The following NEO1 variants were observed in gnomAD, a reference collection of about 807,000 sequenced individuals.
NEO1 encodes neogenin 1.
In NEO1, 63 loss-of-function variants were observed where a neutral mutation model predicts 159.7. The ratio of observed to expected loss-of-function variants is 0.39; its 90% CI spans 0.32 to 0.49. NEO1 has a LOEUF of 0.49. Among genes scored for constraint, NEO1 ranks in the 20% least tolerant of loss-of-function variants. The probability of loss-of-function intolerance (pLI) is 0.85; values close to 1 mark genes in which losing one functional copy is unlikely to be tolerated. For missense variants in NEO1, 1,615 were observed against 1,831.0 expected (o/e 0.88, Z 2.15); for synonymous variants, 633 against 662.0 (o/e 0.96, Z 0.67).
At chr15:73,181,046 T>A (rs1365034771) in intron 7 of NEO1, among the ~76,000 whole-genome samples, 1 of 152,182 alleles carries the variant, frequency 6.6e-6, no homozygotes, top group East Asian at 1.9e-4. Context: ...AGCATACAGT[T>A]CAGAAGAGAG....
At chr15:73,233,272 A>G (rs1017808) in intron 7 of NEO1, among the ~76,000 whole-genome samples, 43,729 of 152,112 alleles carry the variant, frequency 0.29, 7,345 homozygotes, top group East Asian at 0.57. Flanking sequence ...CCCATGGTTA[A>G]TTAGGAATGA....
rs1490414534 is a variant in NEO1 at position 73,304,254 on chromosome 15, A to C, written c.*1558A>C. The C allele has an allele frequency of 6.6e-6, 1 of 152,160 alleles. No homozygotes were observed. Among genetic ancestry groups the C allele is most frequent in the Non-Finnish European group, 1.5e-5 (1 of 68,036 alleles). 9.4% of individuals were successfully genotyped at this position (152,160 alleles called of 1,614,324 possible). ...CTTGGGTTCTTTTTCCTAAAAAGGT[A>C]AGGAGCTGAGGTGTGTGGTTTTTTA... On this transcript the variant is annotated 3_prime_UTR_variant, in exon 29 of 29. Transcript: ENST00000261908.
chr15:73,159,160 C>A (rs563023480), intron 5 of NEO1, among the ~76,000 whole-genome samples: 1 of 152,132 alleles, frequency 6.6e-6, no homozygotes, highest in South Asian at 2.1e-4. Flanking sequence ...TTATTTAGAA[C>A]GAGAAAAGAA....
At chr15:73,302,395 G>C (rs2042654972) in intron 28 of NEO1, among the ~76,000 whole-genome samples, 1 of 152,162 alleles carries the variant, frequency 6.6e-6, no homozygotes, top group Non-Finnish European at 1.5e-5. Context: ...GGGAGTATGT[G>C]TTGGGAGAAA....
intron 8 of NEO1, among the ~76,000 whole-genome samples, chr15:73,239,954 G>A (rs2039407695): frequency 6.6e-6 from 1 of 152,120 alleles, no homozygotes; most frequent in Non-Finnish European, 1.5e-5. Context: ...ATTTGGCAAT[G>A]CCTGGTACAG....
At position 73,052,683 on chromosome 15, in the gene NEO1, C is replaced by A. The variant is rs866588730; in HGVS notation, c.8C>A (p.Ala3Glu). 1 of 1,344,524 alleles carries A rather than the reference C, an allele frequency of 7.4e-7. No homozygotes were observed. The highest frequency in any genetic ancestry group is 9.6e-7 in the Non-Finnish European group (1 of 1,039,884). 83.3% of individuals were successfully genotyped at this position (1,344,524 alleles called of 1,614,324 possible). A position where few individuals can be genotyped will look rare whatever the true frequency, so the allele number is the denominator to read the frequency against. The change falls in exon 1 of 29, where the codon GCG becomes GAG. Residue 3 changes from alanine (A) to glutamate (E), a missense_variant. Ala to Glu is a moderately radical substitution (Grantham distance 107). Around this residue, in one of 3 missense-constraint regions of NEO1, gnomAD observed 1,018 missense variants for 1,115.4 expected, o/e 0.91. Transcript: ENST00000261908. ...CTCACTCTCGGGGAAGAGATGGCGG[C>A]GGAGCGGGGAGCCCGGCGACTCCTC... Reference protein sequence around the residue: MAAERGARRLLST... With the variant: MAEERGARRLLST...
At chr15:73,149,582 T>G (rs2033208438) in intron 5 of NEO1, among the ~76,000 whole-genome samples, 1 of 151,588 alleles carries the variant, frequency 6.6e-6, no homozygotes, top group Non-Finnish European at 1.5e-5. Flanking sequence ...CCAGGTGATT[T>G]CAGTGATTCT....
chr15:73,088,440 G>T (rs942726129), intron 1 of NEO1, among the ~76,000 whole-genome samples: 3 of 152,008 alleles, frequency 2.0e-5, no homozygotes, highest in Admixed American at 6.6e-5. Context: ...GTTGAGACCT[G>T]AAATAGCTGA....
chr15:73,242,293 T>A (rs2039528917), intron 8 of NEO1, among the ~76,000 whole-genome samples: 1 of 152,220 alleles, frequency 6.6e-6, no homozygotes, highest in South Asian at 2.1e-4. Flanking sequence ...ATCAACAGTC[T>A]GTTAGTACAT....
intron 2 of NEO1, among the ~76,000 whole-genome samples, chr15:73,121,805 G>C (rs990148663): frequency 2.6e-5 from 4 of 151,986 alleles, no homozygotes; most frequent in African/African-American, 7.2e-5. Context: ...ATCAGAGGAA[G>C]CTCCCTTCAG....
chr15:73,167,612 C>T (rs1756015881), intron 5 of NEO1, among the ~76,000 whole-genome samples: 1 of 152,162 alleles, frequency 6.6e-6, no homozygotes, highest in South Asian at 2.1e-4. Context: ...AACATGGAAA[C>T]AACCCAAGTG....
At chr15:73,064,510 G>A (rs1013283446) in intron 1 of NEO1, among the ~76,000 whole-genome samples, 1 of 152,120 alleles carries the variant, frequency 6.6e-6, no homozygotes, top group Non-Finnish European at 1.5e-5. Context: ...TGTTGCCTAG[G>A]CTGGAGTGCA....
chr15:73,194,566 G>C (rs913719986), intron 7 of NEO1, among the ~76,000 whole-genome samples: 1 of 152,090 alleles, frequency 6.6e-6, no homozygotes, highest in Admixed American at 6.6e-5. Context: ...GAAACTAACC[G>C]AGTAAGAACC....
intron 7 of NEO1, among the ~76,000 whole-genome samples, chr15:73,201,250 C>T (rs1359400681): frequency 6.6e-6 from 1 of 150,884 alleles, no homozygotes; most frequent in Admixed American, 6.6e-5. Context: ...CTCTAGTTTC[C>T]CAAGGTATAA....
chr15:73,130,315 C>G (rs1318421439), intron 4 of NEO1, among the ~76,000 whole-genome samples: 1 of 149,692 alleles, frequency 6.7e-6, no homozygotes, highest in African/African-American at 2.4e-5. Flanking sequence ...CCCGCCCCCC[C>G]CGCCGCATAA....
chr15:73,056,720 T>G (rs2067716317), intron 1 of NEO1, among the ~76,000 whole-genome samples: 1 of 152,204 alleles, frequency 6.6e-6, no homozygotes, highest in South Asian at 2.1e-4. Flanking sequence ...CCTTAATTCC[T>G]TCAGCCACTC....
intron 8 of NEO1, among the ~76,000 whole-genome samples, chr15:73,240,680 G>A (rs2039447864): frequency 6.6e-6 from 1 of 152,198 alleles, no homozygotes; most frequent in Non-Finnish European, 1.5e-5. Context: ...ACAAAATTGG[G>A]TAGTAATTAT....
chr15:73,147,300 T>G (rs184173231), intron 5 of NEO1, among the ~76,000 whole-genome samples: 7 of 152,330 alleles, frequency 4.6e-5, no homozygotes, highest in African/African-American at 1.2e-4. Flanking sequence ...TCTGTTGTCT[T>G]TGATTTCTTT....
At chr15:73,120,937 A>C (rs2071610652) in intron 2 of NEO1, among the ~76,000 whole-genome samples, 1 of 152,190 alleles carries the variant, frequency 6.6e-6, no homozygotes, top group Non-Finnish European at 1.5e-5. Flanking sequence ...CTGATTGTTA[A>C]CATCTTATCG....
Sources: allele counts gnomAD v4.1 joint callset (sites outside exome capture counted in the v4.1 genomes callset), GRCh38; gene constraint gnomAD v4.1.1; regional missense constraint gnomAD v4.1.1; transcripts MANE v1.5; gene names NCBI Gene and HGNC (gene_info 2026-07-23, HGNC 2026-07-21).